The following BAZ2B variants were observed in gnomAD, a reference collection of about 807,000 sequenced individuals.
BAZ2B encodes bromodomain adjacent to zinc finger domain protein 2B.
In BAZ2B, 91 loss-of-function variants were observed where a neutral mutation model predicts 246.0. The ratio of observed to expected loss-of-function variants is 0.37; its 90% CI spans 0.31 to 0.44. The LOEUF (loss-of-function observed/expected upper bound fraction) is 0.44. BAZ2B is among the 20% of genes least tolerant of loss of function. The pLI, the probability that BAZ2B is intolerant of heterozygous loss-of-function variation, is 1.00. For missense variants in BAZ2B, 2,332 were observed against 2,533.7 expected, an observed-to-expected ratio of 0.92 and a Z score of 1.71; for synonymous variants, 855 against 860.0, an observed-to-expected ratio of 0.99 and a Z score of 0.10.
At chr2:159,532,480 A>G (rs2085480158) in intron 2 of BAZ2B, among the ~76,000 whole-genome samples, 1 of 152,196 alleles carries the variant, frequency 6.6e-6, no homozygotes, top group African/African-American at 2.4e-5. Context: ...AACAAGACTC[A>G]TGGCCTCAAA....
intron 8 of BAZ2B, 141 bp from the exon 9 acceptor site, chr2:159,433,504 G>C (rs1233605395): frequency 2.7e-6 from 2 of 736,094 alleles, no homozygotes; most frequent in Non-Finnish European, 4.2e-6. Context: ...TGCTGTAAAA[G>C]TAGCAACAGC....
chr2:159,530,965 C>CT (rs2085319707), intron 2 of BAZ2B, among the ~76,000 whole-genome samples: 1 of 141,070 alleles, frequency 7.1e-6, no homozygotes, highest in Non-Finnish European at 1.6e-5. Context: ...GACTCCGTCT[C>CT]AAAACAAACA....
chr2:159,336,836 T>C (rs2065753068), intron 33 of BAZ2B, 106 bp downstream of exon 33: 2 of 1,012,644 alleles, frequency 2.0e-6, no homozygotes, highest in African/African-American at 3.3e-5. Flanking sequence ...AAGTATAGCA[T>C]ACATTATTAT....
intron 2 of BAZ2B, among the ~76,000 whole-genome samples, chr2:159,496,732 A>G (rs11695585): frequency 0.028 from 4,000 of 144,818 alleles, 99 homozygotes; most frequent in Non-Finnish European, 0.042. Context: ...GCGGTGAGCC[A>G]AGATCGCGCC....
the BAZ2B span, among the ~76,000 whole-genome samples, chr2:159,673,357 T>C: frequency 1.3e-5 from 2 of 152,188 alleles, no homozygotes; most frequent in Non-Finnish European, 1.5e-5. Context: ...GTTTGACAAT[T>C]ACTCTGTTGG....
At chr2:159,627,687 T>A in the BAZ2B span, among the ~76,000 whole-genome samples, 1 of 152,054 alleles carries the variant, frequency 6.6e-6, no homozygotes, top group South Asian at 2.1e-4. Flanking sequence ...TAAGAGCTAT[T>A]TAAGATAAAC....
intron 1 of BAZ2B, among the ~76,000 whole-genome samples, chr2:159,584,468 C>T (rs1687591379): frequency 6.6e-6 from 1 of 152,138 alleles, no homozygotes; most frequent in Non-Finnish European, 1.5e-5. Flanking sequence ...TGATAATAGA[C>T]TCTTGGGAGT....
rs1318953420 is a variant in BAZ2B at position 159,453,675 on chromosome 2, C to T, written c.272G>A (p.Gly91Asp). The T allele has an allele frequency of 6.2e-7, 1 of 1,613,290 alleles. No individual in the cohort carries two copies. The highest frequency in any genetic ancestry group is 8.5e-7 in the Non-Finnish European group (1 of 1,179,664). Residue 91 changes from glycine (G) to aspartate (D), a missense_variant, in exon 4 of 37, where the codon GGT (glycine) becomes GAT (aspartate). By Grantham distance (94) the Gly-to-Asp change is moderately conservative (BLOSUM62 -1). Coordinates refer to ENST00000392783, the MANE Select transcript of BAZ2B (RefSeq NM_013450.4). ...SASSGHSEFG[G>D]LGTLGTPTAL... is the part of the protein sequence containing the mutation. Reference sequence around the variant, plus strand: ...TGTGGGTGTACCAAGTGTCCCCAAACCACCAAATTCTGAATGCCCTGAGCT... The same window carrying T: ...TGTGGGTGTACCAAGTGTCCCCAAATCACCAAATTCTGAATGCCCTGAGCT...
At chr2:159,518,085 C>T (rs987259020) in intron 2 of BAZ2B, among the ~76,000 whole-genome samples, 1 of 152,066 alleles carries the variant, frequency 6.6e-6, no homozygotes, top group African/African-American at 2.4e-5. Flanking sequence ...CAAAACAAAA[C>T]AAAATTTTAA....
intron 2 of BAZ2B, among the ~76,000 whole-genome samples, chr2:159,541,586 C>T (rs537997123): frequency 6.6e-6 from 1 of 152,224 alleles, no homozygotes; most frequent in African/African-American, 2.4e-5. Context: ...GCCAAAAGTC[C>T]TTGTTATTAA....
chr2:159,610,179 C>CA (rs1157613298), intron 1 of BAZ2B, among the ~76,000 whole-genome samples: 1 of 152,172 alleles, frequency 6.6e-6, no homozygotes, highest in Non-Finnish European at 1.5e-5. Flanking sequence ...GCAGCATACT[C>CA]AAAGTCCTTC....
At chr2:159,454,789 A>G (rs2075534604) in intron 3 of BAZ2B, among the ~76,000 whole-genome samples, 1 of 152,244 alleles carries the variant, frequency 6.6e-6, no homozygotes. Flanking sequence ...GTGGTTACCA[A>G]TATAAAAATC....
At chr2:159,569,601 A>T (rs1683458826) in intron 1 of BAZ2B, among the ~76,000 whole-genome samples, 1 of 152,232 alleles carries the variant, frequency 6.6e-6, no homozygotes, top group Admixed American at 6.5e-5. Context: ...AACTTTAAAA[A>T]TGTACTTTTT....
Position 159,385,158 on chromosome 2 carries a change from A to C in BAZ2B, c.3683T>G (p.Val1228Gly), listed in dbSNP as rs1214787000. The C allele has an allele frequency of 6.2e-7, 1 of 1,611,806 alleles. No homozygotes were observed. The highest frequency in any genetic ancestry group is 1.3e-5 in the African/African-American group (1 of 74,860). ...AAAAGCCTGGGCATATGCTCACCTG[A>C]CCACACTCTTGCTGCATGCCAGTTC... Reference protein sequence around the residue: ...INELACSKSVVSEIDKNIDYM... With the variant: ...INELACSKSVGSEIDKNIDYM... Residue 1228 changes from valine (V) to glycine (G), a missense_variant, in exon 23 of 37, where the codon GTC becomes GGC. Physicochemically the swap from Val to Gly is moderately radical, Grantham distance 109. This residue lies in a region of BAZ2B where 328 missense variants were observed against 410.4 expected (regional missense o/e 0.80). Transcript: ENST00000392783.
Position 159,393,232 on chromosome 2 carries a change from T to C in BAZ2B, c.3075+2537A>G, listed in dbSNP as rs186623556. Among the ~76,000 whole-genome samples, 14 of 152,230 alleles carry C rather than the reference T, an allele frequency of 9.2e-5. 1 individual carries two copies. The highest frequency in any genetic ancestry group is 3.4e-4 in the African/African-American group (14 of 41,544). ...AGTCTGAATTTTATCGTAATTGCAA[T>C]GAGAGGCCCCTGGATAGTGTCAGGA... On this transcript the variant is annotated intron_variant, in intron 20 of 36. Coordinates refer to ENST00000392783, the MANE Select transcript of BAZ2B (RefSeq NM_013450.4).
In BAZ2B at chr2:159,453,675, C is replaced by A; in HGVS notation, c.272G>T (p.Gly91Val). Residue 91 changes from glycine (G) to valine (V), a missense_variant, in exon 4 of 37, where the codon GGT becomes GTT. By Grantham distance (109) the Gly-to-Val change is moderately radical. Around this residue, in one of 9 missense-constraint regions of BAZ2B, gnomAD observed 242 missense variants for 237.4 expected, o/e 1.02. Coordinates refer to ENST00000392783, the MANE Select transcript of BAZ2B (RefSeq NM_013450.4). ...TGTGGGTGTACCAAGTGTCCCCAAACCACCAAATTCTGAATGCCCTGAGCT... is the reference window on the plus strand; with the variant it reads ...TGTGGGTGTACCAAGTGTCCCCAAAACACCAAATTCTGAATGCCCTGAGCT... ...SASSGHSEFG[G>V]LGTLGTPTAL... 1 of 1,613,408 alleles carries A rather than the reference C, an allele frequency of 6.2e-7. No homozygotes were observed. Among genetic ancestry groups the A allele is most frequent in the Non-Finnish European group, 8.5e-7 (1 of 1,179,656 alleles).
intron 27 of BAZ2B, among the ~76,000 whole-genome samples, chr2:159,355,068 G>C (rs897804411): frequency 3.3e-5 from 5 of 152,168 alleles, no homozygotes; most frequent in African/African-American, 1.2e-4. Context: ...TGCTTCCAGT[G>C]AACCATCTTT....
chr2:159,325,514 T>A (rs761262840), intron 35 of BAZ2B, 139 bp downstream of exon 35: 1 of 893,686 alleles, frequency 1.1e-6, no homozygotes, highest in Admixed American at 3.3e-5. Flanking sequence ...CTTTTACTTA[T>A]ATATTTTCTT....
Position 159,568,683 on chromosome 2 carries a change from A to G in BAZ2B, c.-45-12818T>C, listed in dbSNP as rs2151547407. The stretch of plus-strand genomic sequence containing the variant: ...TGAATTACTCTGGACTGAACGGGCA[A>G]TATGTTTCTTTAAAGTTATGGGAAT... On this transcript the variant is annotated intron_variant, in intron 1 of 36. Transcript: ENST00000392783. 1.3e-5 allele frequency among the ~76,000 whole-genome samples: 2 copies of G among 152,294 alleles called. 1 individual carries two copies. Among genetic ancestry groups the G allele is most frequent in the South Asian group, 4.1e-4 (2 of 4,832 alleles).
Sources: gnomAD v4.1 joint callset for allele counts (sites outside exome capture counted in the v4.1 genomes callset) on GRCh38, gnomAD v4.1.1 for gene constraint, gnomAD v4.1.1 regional missense constraint, MANE v1.5 for transcripts, NCBI Gene and HGNC (gene_info 2026-07-23, HGNC 2026-07-21) for gene names.